The following EDIL3 variants were observed in gnomAD, a reference collection of about 807,000 sequenced individuals.
EDIL3 encodes EGF like and discoidin domains 3.
Under a neutral mutation model 67.4 loss-of-function variants are expected in EDIL3, and 37 were observed. The observed-to-expected ratio is 0.55, with a 90% CI of 0.42 to 0.72. The LOEUF (loss-of-function observed/expected upper bound fraction) is 0.72, where lower values mean the gene tolerates loss of function less well. EDIL3 is among the 30% of genes least tolerant of loss of function. The pLI, the probability that EDIL3 is intolerant of heterozygous loss-of-function variation, is 0.00. For missense variants in EDIL3, 527 were observed against 586.3 expected (o/e 0.90, Z 1.04); for synonymous variants, 195 against 196.3 (o/e 0.99, Z 0.05).
intron 6 of EDIL3, among the ~76,000 whole-genome samples, chr5:84,071,553 T>C (rs1052399391): frequency 6.6e-6 from 1 of 152,152 alleles, no homozygotes; most frequent in Non-Finnish European, 1.5e-5. Context: ...ATTGTCTAAA[T>C]AAAATTCCCA....
intron 9 of EDIL3, among the ~76,000 whole-genome samples, chr5:83,968,713 A>C (rs1220174470): frequency 6.6e-6 from 1 of 151,964 alleles, no homozygotes; most frequent in Non-Finnish European, 1.5e-5. Flanking sequence ...TACAACATGA[A>C]CAGTGCCATA....
intron 9 of EDIL3, among the ~76,000 whole-genome samples, chr5:83,986,780 A>G (rs1272504701): frequency 6.6e-6 from 1 of 152,092 alleles, no homozygotes; most frequent in Non-Finnish European, 1.5e-5. Context: ...TAGACAGTGG[A>G]GAAAAGAGGA....
At chr5:83,945,213 A>G (rs576994465) in intron 10 of EDIL3, among the ~76,000 whole-genome samples, 39 of 152,088 alleles carry the variant, frequency 2.6e-4, no homozygotes, top group Non-Finnish European at 4.9e-4. Flanking sequence ...CTGGACTGAA[A>G]TGTGCTACTA....
chr5:84,153,168 C>T (rs1346939006), intron 4 of EDIL3, among the ~76,000 whole-genome samples: 2 of 152,160 alleles, frequency 1.3e-5, no homozygotes, highest in Admixed American at 1.3e-4. Flanking sequence ...TTACTTTATA[C>T]TCCCTATAGA....
chr5:84,097,478 T>C (rs1171345011), intron 6 of EDIL3, among the ~76,000 whole-genome samples: 1 of 152,228 alleles, frequency 6.6e-6, no homozygotes, highest in Non-Finnish European at 1.5e-5. Flanking sequence ...AAATAGGCTG[T>C]TTGGATATAA....
chr5:84,025,259 T>C (rs1745791648), intron 9 of EDIL3, among the ~76,000 whole-genome samples: 1 of 152,044 alleles, frequency 6.6e-6, no homozygotes, highest in African/African-American at 2.4e-5. Context: ...AGTGGCCTGT[T>C]AGGACTTGGG....
chr5:84,074,185 A>G (rs1250510091), intron 6 of EDIL3, among the ~76,000 whole-genome samples: 3 of 149,446 alleles, frequency 2.0e-5, no homozygotes, highest in Admixed American at 2.0e-4. Context: ...TACACCTTAT[A>G]CAAAAATTAA....
chr5:84,255,315 T>A (rs1022947089), intron 1 of EDIL3, among the ~76,000 whole-genome samples: 1 of 152,156 alleles, frequency 6.6e-6, no homozygotes, highest in Non-Finnish European at 1.5e-5. Context: ...ATAATTCAGG[T>A]GGAGCCTGAA....
At chr5:84,103,155 T>C (rs565304766) in intron 6 of EDIL3, among the ~76,000 whole-genome samples, 1 of 152,172 alleles carries the variant, frequency 6.6e-6, no homozygotes, top group South Asian at 2.1e-4. Context: ...GCTGGGATAG[T>C]GGTTAGCCAT....
intron 2 of EDIL3, among the ~76,000 whole-genome samples, chr5:84,239,856 A>C (rs1345395956): frequency 6.6e-6 from 1 of 152,230 alleles, no homozygotes; most frequent in African/African-American, 2.4e-5. Flanking sequence ...AAGTCCACAG[A>C]CAGGAAAACC....
chr5:84,269,932 T>A (rs1745429248), intron 1 of EDIL3, among the ~76,000 whole-genome samples: 1 of 152,202 alleles, frequency 6.6e-6, no homozygotes, highest in Non-Finnish European at 1.5e-5. Flanking sequence ...ATGGGGTCAC[T>A]AAACAAATGC....
chr5:84,066,691 G>T, intron 6 of EDIL3, 85 bp from the exon 7 acceptor site: 1 of 1,459,654 alleles, frequency 6.9e-7, no homozygotes, highest in Non-Finnish European at 9.3e-7. Context: ...ATGAAACATT[G>T]TTAATGCAGA....
rs201013998 is a variant in EDIL3, at chr5:84,254,233, G to A, written c.68-21C>T. The A allele has an allele frequency of 5.5e-5, 87 of 1,589,458 alleles. 1 individual carries two copies. The highest frequency in any genetic ancestry group is 3.5e-4 in the South Asian group (30 of 86,146). ...ATCACCTAAGGCATAAAAAAAAACC[G>A]AAATTGACATTTTTTTTTTGTCTTG... On this transcript the variant is annotated intron_variant, in intron 1 of 10. Coordinates refer to ENST00000296591, the MANE Select transcript of EDIL3 (RefSeq NM_005711.5).
intron 1 of EDIL3, among the ~76,000 whole-genome samples, chr5:84,326,477 C>A (rs1746758569): frequency 6.7e-6 from 1 of 150,234 alleles, no homozygotes. Flanking sequence ...GTTGTACAAA[C>A]AGTATGAAAT....
chr5:84,069,485 G>A (rs914295187), intron 6 of EDIL3, among the ~76,000 whole-genome samples: 1 of 152,070 alleles, frequency 6.6e-6, no homozygotes, highest in African/African-American at 2.4e-5. Context: ...TATATGATAT[G>A]TGCATGTAAA....
chr5:84,251,432 A>G (rs1745024560), intron 2 of EDIL3, among the ~76,000 whole-genome samples: 1 of 151,620 alleles, frequency 6.6e-6, no homozygotes, highest in South Asian at 2.1e-4. Flanking sequence ...TTTTTTCGAA[A>G]CAAAAACGCA....
rs115302592 is a variant in EDIL3 at position 83,996,231 on chromosome 5, T to C, written c.1138-32871A>G. ...TAAATAGTAAAGACTCATTACAGTG[T>C]TGAGTAGAATTTTCATGGTGCCTAT... On this transcript the variant is annotated intron_variant, in intron 9 of 10. Coordinates refer to ENST00000296591, the MANE Select transcript of EDIL3 (RefSeq NM_005711.5). Among the ~76,000 whole-genome samples, 1,491 of 152,254 alleles carry C rather than the reference T, an allele frequency of 9.8e-3. 6 individuals are homozygous for C. Among genetic ancestry groups the C allele is most frequent in the Non-Finnish European group, 0.014 (964 of 68,018 alleles).
chr5:83,984,035 G>T (rs763090497), intron 9 of EDIL3, among the ~76,000 whole-genome samples: 1 of 152,112 alleles, frequency 6.6e-6, no homozygotes, highest in Admixed American at 6.6e-5. Flanking sequence ...ATTGACTTAA[G>T]AGGCCAGGAC....
chr5:84,353,873 T>A (rs1747416040), intron 1 of EDIL3, among the ~76,000 whole-genome samples: 2 of 152,210 alleles, frequency 1.3e-5, no homozygotes, highest in Admixed American at 1.3e-4. Flanking sequence ...TTACTATATC[T>A]GATCATTGGT....
Sources: gnomAD v4.1 joint callset for allele counts (sites outside exome capture counted in the v4.1 genomes callset) on GRCh38, gnomAD v4.1.1 for gene constraint, MANE v1.5 for transcripts, NCBI Gene and HGNC (gene_info 2026-07-23, HGNC 2026-07-21) for gene names.